Variants in ESRRG observed in about 807,000 individuals in gnomAD.
ESRRG encodes the protein estrogen-related receptor gamma.
A neutral mutation model predicts 44.0 loss-of-function variants in ESRRG; 13 were observed. The observed-to-expected ratio is 0.30, with a 90% CI of 0.19 to 0.47. The LOEUF (loss-of-function observed/expected upper bound fraction) is 0.47. Ranked by LOEUF, ESRRG falls within the 20% of genes least tolerant of loss-of-function variation. The probability of loss-of-function intolerance (pLI) is 1.00; values close to 1 mark genes in which losing one functional copy is unlikely to be tolerated. For synonymous variants in ESRRG, 215 were observed against 214.6 expected, an observed-to-expected ratio of 1.00 and a Z score of -0.02; for missense variants, 395 against 580.6, an observed-to-expected ratio of 0.68 and a Z score of 3.29.
At chr1:216,621,392 T>A (rs1223081490) in intron 3 of ESRRG, among the ~76,000 whole-genome samples, 1 of 152,210 alleles carries the variant, frequency 6.6e-6, no homozygotes, top group Non-Finnish European at 1.5e-5. Context: ...GTCAGTTCCA[T>A]ACATTGAATC....
intron 2 of ESRRG, among the ~76,000 whole-genome samples, chr1:216,790,447 A>G (rs2094283507): frequency 6.6e-6 from 1 of 152,168 alleles, no homozygotes; most frequent in Admixed American, 6.6e-5. Context: ...TAAAAGATAA[A>G]CTAATATAGG....
At chr1:216,846,096 T>A (rs1412002813) in intron 2 of ESRRG, among the ~76,000 whole-genome samples, 1 of 152,172 alleles carries the variant, frequency 6.6e-6, no homozygotes, top group Non-Finnish European at 1.5e-5. Flanking sequence ...GAACAAAATT[T>A]AACCTATAAA....
At chr1:216,968,757 T>A (rs1039132067) in intron 1 of ESRRG, among the ~76,000 whole-genome samples, 1 of 150,342 alleles carries the variant, frequency 6.7e-6, no homozygotes, top group African/African-American at 2.4e-5. Context: ...ATCCACAGAC[T>A]AACTTGCTGA....
chr1:216,678,733 G>T (rs2076528434), intron 1 of ESRRG, among the ~76,000 whole-genome samples: 1 of 152,202 alleles, frequency 6.6e-6, no homozygotes, highest in African/African-American at 2.4e-5. Context: ...GAAAGAAGAG[G>T]TGACAGTCAA....
At chr1:216,902,680 T>C (rs2059224751) in intron 2 of ESRRG, among the ~76,000 whole-genome samples, 1 of 152,112 alleles carries the variant, frequency 6.6e-6, no homozygotes, top group African/African-American at 2.4e-5. Flanking sequence ...CTTCTGAGAC[T>C]TCCACCAGCT....
intron 1 of ESRRG, among the ~76,000 whole-genome samples, chr1:216,949,278 A>T (rs183618009): frequency 6.6e-6 from 1 of 152,214 alleles, no homozygotes; most frequent in African/African-American, 2.4e-5. Flanking sequence ...ATCTGCAAAC[A>T]TGCAAAGGCA....
chr1:216,521,933 T>C (rs2046201386), intron 5 of ESRRG, among the ~76,000 whole-genome samples: 1 of 152,204 alleles, frequency 6.6e-6, no homozygotes, highest in Admixed American at 6.5e-5. Context: ...TTAGTGCTGA[T>C]GATGGAGAAG....
At chr1:216,703,766 G>A (rs1007603328) in intron 1 of ESRRG, among the ~76,000 whole-genome samples, 1 of 151,668 alleles carries the variant, frequency 6.6e-6, no homozygotes, top group Non-Finnish European at 1.5e-5. Context: ...GGAAGAGAGA[G>A]AGCTGGGATG....
rs916935066 is a variant in ESRRG at position 217,070,745 on chromosome 1, C to T, written c.-106+18762G>A. On this transcript the variant is annotated intron_variant, in intron 1 of 7. Coordinates refer to the ESRRG transcript ENST00000359162. ...ATTGTTTGTCCTCACATAAATGTAC[C>T]TATACTTCTCTCCATGCCTCTTTCT... Among the ~76,000 whole-genome samples, 4 of 152,212 alleles carry T rather than the reference C, an allele frequency of 2.6e-5. No individual in the cohort carries two copies. The East Asian group carries it at 7.7e-4, about 29-fold the overall frequency.
At chr1:216,789,906 C>G (rs1444627779) in intron 2 of ESRRG, among the ~76,000 whole-genome samples, 2 of 152,130 alleles carry the variant, frequency 1.3e-5, no homozygotes, top group Non-Finnish European at 2.9e-5. Flanking sequence ...GTTTCCTGGA[C>G]CCAAGGCAAG....
intron 2 of ESRRG, among the ~76,000 whole-genome samples, chr1:216,780,023 A>T (rs575739339): frequency 6.6e-6 from 1 of 151,838 alleles, no homozygotes; most frequent in East Asian, 1.9e-4. Context: ...TTCTACATAA[A>T]CTCATTCAGG....
intron 1 of ESRRG, among the ~76,000 whole-genome samples, chr1:217,061,657 G>A (rs544639827): frequency 2.9e-4 from 44 of 152,092 alleles, no homozygotes; most frequent in African/African-American, 1.0e-3. Flanking sequence ...TTGCTGTGCA[G>A]AAATAGAAAA....
intron 1 of ESRRG, among the ~76,000 whole-genome samples, chr1:217,124,379 G>A (rs999485704): frequency 6.6e-6 from 1 of 152,174 alleles, no homozygotes; most frequent in Non-Finnish European, 1.5e-5. Context: ...ATTTTACCTT[G>A]TAAATCCATG....
At chr1:217,018,894 C>T (rs1469804095) in intron 1 of ESRRG, among the ~76,000 whole-genome samples, 2 of 152,170 alleles carry the variant, frequency 1.3e-5, no homozygotes, top group African/African-American at 2.4e-5. Flanking sequence ...AATTATGCAT[C>T]TACTCCTCTT....
At chr1:217,066,255 C>CTTTTTTTTTTTTT (rs68151743) in intron 1 of ESRRG, among the ~76,000 whole-genome samples, 3 of 132,512 alleles carry the variant, frequency 2.3e-5, no homozygotes, top group Admixed American at 7.8e-5. Context: ...TTTTTCTTTT[C>CTTTTTTTTTTTTT]TTTTTTTTTT....
chr1:217,124,835 C>A (rs1396423968), intron 1 of ESRRG, among the ~76,000 whole-genome samples: 1 of 152,228 alleles, frequency 6.6e-6, no homozygotes, highest in South Asian at 2.1e-4. Flanking sequence ...CATTCTATGC[C>A]CCTAGCCAAA....
At chr1:217,033,281 C>T (rs1037431199) in intron 1 of ESRRG, among the ~76,000 whole-genome samples, 1 of 152,190 alleles carries the variant, frequency 6.6e-6, no homozygotes, top group Non-Finnish European at 1.5e-5. Context: ...CCAGTTCCAC[C>T]TATGCTAAAC....
chr1:216,690,782 G>A lies in ESRRG; in HGVS notation c.57-13291C>T, dbSNP rs535815160. Among the ~76,000 whole-genome samples the A allele has an allele frequency of 5.3e-5, 8 of 152,206 alleles. No individual in the cohort carries two copies. The South Asian group carries it at 8.3e-4, about 16-fold the overall frequency. On this transcript the variant is annotated intron_variant, in intron 1 of 6. Coordinates refer to ENST00000408911, the MANE Select transcript of ESRRG (RefSeq NM_001438.4). Reference sequence around the variant, plus strand: ...TACACACAATGGACTAGGGAAGTGAGAGAACTTTAAAGGACTCCCAGAATT... The same window carrying A: ...TACACACAATGGACTAGGGAAGTGAAAGAACTTTAAAGGACTCCCAGAATT...
intron 5 of ESRRG, among the ~76,000 whole-genome samples, chr1:216,548,001 T>G (rs959283280): frequency 2.9e-4 from 44 of 152,174 alleles, no homozygotes; most frequent in African/African-American, 9.1e-4. Flanking sequence ...CTGCTATATA[T>G]GGGGTTCCTT....
Sources: gnomAD v4.1 joint callset for allele counts (sites outside exome capture counted in the v4.1 genomes callset) on GRCh38, gnomAD v4.1.1 for gene constraint, MANE v1.5 for transcripts, NCBI Gene and HGNC (gene_info 2026-07-23, HGNC 2026-07-21) for gene names.